KIF24: variants seen among roughly 807,000 people sequenced by gnomAD.
KIF24 encodes kinesin-like protein KIF24.
KIF24 carries 81 observed loss-of-function variants against 118.9 expected under a neutral mutation model. The observed-to-expected ratio is 0.68, with a 90% CI of 0.57 to 0.82. KIF24 has a LOEUF of 0.82. KIF24 is among the 40% of genes least tolerant of loss of function. The pLI, the probability that KIF24 is intolerant of heterozygous loss-of-function variation, is 0.00. For missense variants in KIF24, 1,560 were observed against 1,661.6 expected, an observed-to-expected ratio of 0.94 and a Z score of 1.06; for synonymous variants, 599 against 610.0, an observed-to-expected ratio of 0.98 and a Z score of 0.27.
In KIF24 at chr9:34,255,969, C is replaced by T. The variant is rs941097979; in HGVS notation, c.3638G>A (p.Ser1213Asn). The part of the protein sequence containing the change: ...GPTLTPRTGS[S>N]DVADQLWAQE... The stretch of plus-strand genomic sequence containing the variant: ...GGCCCAGAGCTGGTCAGCCACATCA[C>T]TACTTCCTGTTCGTGGGGTGAGTGT... The change falls in exon 11 of 13, where the codon AGT becomes AAT. Residue 1213 changes from serine (S) to asparagine (N), a missense_variant. Physicochemically the swap from Ser to Asn is conservative, Grantham distance 46 (BLOSUM62 1). This residue lies in a region of KIF24 where 591 missense variants were observed against 655.6 expected (regional missense o/e 0.90). Transcript: ENST00000402558. 1.2e-6 allele frequency: 2 copies of T among 1,613,994 alleles called. No homozygotes were observed. Among genetic ancestry groups the T allele is most frequent in the African/African-American group, 1.3e-5 (1 of 75,046 alleles).
At chr9:34,298,246 T>C (rs571291204) in intron 3 of KIF24, among the ~76,000 whole-genome samples, 3 of 151,904 alleles carry the variant, frequency 2.0e-5, no homozygotes, top group African/African-American at 7.2e-5. Context: ...TCACAGTAAG[T>C]AGAAAAGTGA....
intron 6 of KIF24, among the ~76,000 whole-genome samples, chr9:34,281,693 C>A (rs1587934630): frequency 6.6e-6 from 1 of 152,154 alleles, no homozygotes; most frequent in South Asian, 2.1e-4. Flanking sequence ...TCGCTGGAGG[C>A]ATTTCTACAA....
In KIF24 at chr9:34,256,246, T is replaced by TATC. The variant is rs1834834019; in HGVS notation, c.3358_3360dup (p.Asp1120dup). On this transcript the variant is annotated inframe_insertion, in exon 11 of 13. Coordinates refer to ENST00000402558, the MANE Select transcript of KIF24 (RefSeq NM_194313.4). Reference sequence around the variant, plus strand: ...GCTGGAAGATCACCACCAGGCTTATTATCAGGGGGAGATGAGGACAGCCAC... The same window carrying TATC: ...GCTGGAAGATCACCACCAGGCTTATTATCATCAGGGGGAGATGAGGACAGCCAC... 6.2e-7 allele frequency: 1 copy of TATC among 1,605,060 alleles called. No homozygotes were observed. The highest frequency in any genetic ancestry group is 1.7e-5 in the Admixed American group (1 of 59,360).
intron 9 of KIF24, among the ~76,000 whole-genome samples, chr9:34,262,421 T>C (rs1835090343): frequency 1.3e-5 from 2 of 151,848 alleles, no homozygotes. Context: ...TTCAGATTTT[T>C]TTTCAGATTT....
intron 4 of KIF24, among the ~76,000 whole-genome samples, chr9:34,296,704 G>A (rs1320233638): frequency 1.3e-5 from 2 of 149,462 alleles, no homozygotes; most frequent in South Asian, 2.2e-4. Context: ...ACTTTGATGG[G>A]ATAATATTGT....
intron 1 of KIF24, among the ~76,000 whole-genome samples, chr9:34,324,051 T>C (rs1319267136): frequency 1.3e-5 from 2 of 152,228 alleles, no homozygotes; most frequent in Non-Finnish European, 2.9e-5. Flanking sequence ...AAGACTGTAA[T>C]AGACACAGTA....
At chr9:34,282,265 A>G (rs1281118103) in intron 6 of KIF24, among the ~76,000 whole-genome samples, 1 of 152,206 alleles carries the variant, frequency 6.6e-6, no homozygotes, top group African/African-American at 2.4e-5. Context: ...AACTAAGTGA[A>G]AGAAGCCAGA....
At chr9:34,324,090 C>A (rs1289358591) in intron 1 of KIF24, among the ~76,000 whole-genome samples, 2 of 152,192 alleles carry the variant, frequency 1.3e-5, no homozygotes, top group Non-Finnish European at 2.9e-5. Context: ...GAAATCTCAA[C>A]TAGTCTCTTT....
chr9:34,311,390 G>C lies in KIF24; in HGVS notation c.-25-19C>G, dbSNP rs1837139484. 2 of 1,385,244 alleles carry C rather than the reference G, an allele frequency of 1.4e-6. No homozygotes were observed. The highest frequency in any genetic ancestry group is 1.4e-5 in the African/African-American group (1 of 69,232). The allele number at this position is 1,385,244 out of a possible 1,614,324, so 85.8% of individuals were successfully genotyped here. On this transcript the variant is annotated intron_variant, in intron 1 of 12. Transcript: ENST00000402558. ...ATAAACTCTGAAGAGAGAAAGAAAA[G>C]CCATTCGCTTGAAATAGAGTACATG... is the stretch of plus-strand genomic sequence containing the variant.
chr9:34,284,752 C>A (rs1418368768), intron 6 of KIF24, among the ~76,000 whole-genome samples: 2 of 152,096 alleles, frequency 1.3e-5, no homozygotes, highest in African/African-American at 2.4e-5. Context: ...GAAAGTCACA[C>A]AGGGGGTTTG....
Position 34,269,422 on chromosome 9 carries a change from T to A in KIF24, c.1338-60A>T, listed in dbSNP as rs557493909. On this transcript the variant is annotated intron_variant, in intron 7 of 12. Transcript: ENST00000402558. ...AAGCTTTATTTTATTTTATTTTATT[T>A]TTATTATTATTTTTTGAGACGGAGT... 2.2e-4 allele frequency: 182 copies of A among 821,326 alleles called. 1 individual carries two copies. In the African/African-American group the frequency reaches 2.8e-3, roughly 12 times the overall value. 50.9% of individuals were successfully genotyped at this position (821,326 alleles called of 1,614,324 possible).
Position 34,318,730 on chromosome 9 carries a change from C to CGGCGTG in KIF24, c.-25-7365_-25-7360dup. 6.7e-7 allele frequency: 1 copy of CGGCGTG among 1,503,640 alleles called. No homozygotes were observed. Among genetic ancestry groups the CGGCGTG allele is most frequent in the African/African-American group, 1.4e-5 (1 of 73,336 alleles). 93.1% of individuals were successfully genotyped at this position (1,503,640 alleles called of 1,614,324 possible). On this transcript the variant is annotated intron_variant, in intron 1 of 12. Transcript: ENST00000402558. This position sits in a 1 kb window ranked among gnomAD's most constrained non-coding sequence, Gnocchi z 4.9. ...AGCTGAGCGACGAGGAGGTGCACGC[C>CGGCGTG]GGCGTGGGCGAGCCGCTGCGTTCAC...
rs530414362 is a variant in KIF24, at chr9:34,307,424, A to G, written c.624-983T>C. Among the ~76,000 whole-genome samples, 56 of 152,122 alleles carry G rather than the reference A, an allele frequency of 3.7e-4. 1 individual carries two copies. The highest frequency in any genetic ancestry group is 1.2e-3 in the African/African-American group (49 of 41,510). ...TTTAAAAAAAAAAAAACCAGCAAAT[A>G]ATTTTCTAATATAATGAATGCATAA... On this transcript the variant is annotated intron_variant, in intron 2 of 12. Transcript: ENST00000402558.
chr9:34,266,387 A>C (rs1489587172), intron 8 of KIF24, among the ~76,000 whole-genome samples: 1 of 152,138 alleles, frequency 6.6e-6, no homozygotes, highest in Non-Finnish European at 1.5e-5. Flanking sequence ...TCTCAAAAAA[A>C]CCAAGGCTCA....
At chr9:34,324,347 T>C (rs1432008195) in intron 1 of KIF24, among the ~76,000 whole-genome samples, 1 of 152,246 alleles carries the variant, frequency 6.6e-6, no homozygotes, top group Non-Finnish European at 1.5e-5. Context: ...ATACCATTCA[T>C]GCAGTCACTC....
intron 1 of KIF24, among the ~76,000 whole-genome samples, chr9:34,313,215 T>G (rs559292204): frequency 1.3e-5 from 2 of 152,162 alleles, no homozygotes; most frequent in South Asian, 4.1e-4. Context: ...GCCAGACATG[T>G]GAAAGAAGTC....
intron 10 of KIF24, among the ~76,000 whole-genome samples, chr9:34,259,064 C>T (rs889067319): frequency 2.0e-5 from 3 of 152,146 alleles, no homozygotes; most frequent in Non-Finnish European, 4.4e-5. Flanking sequence ...AGAGGCCTGG[C>T]CAGGCAGTCA....
At chr9:34,330,574 A>G (rs1420592141), upstream of KIF24, among the ~76,000 whole-genome samples, 1 of 152,248 alleles carries the variant, frequency 6.6e-6, no homozygotes, top group Non-Finnish European at 1.5e-5. Context: ...CTTCTGAAAA[A>G]TGGCAGTAAT....
At chr9:34,279,660 G>A (rs1193915034) in intron 6 of KIF24, among the ~76,000 whole-genome samples, 1 of 152,242 alleles carries the variant, frequency 6.6e-6, no homozygotes, top group Non-Finnish European at 1.5e-5. Context: ...CCATGCCTGA[G>A]TAATCCTGAG....
Sources: allele counts gnomAD v4.1 joint callset (sites outside exome capture counted in the v4.1 genomes callset), GRCh38; gene constraint gnomAD v4.1.1; regional missense constraint gnomAD v4.1.1; non-coding constraint Gnocchi (gnomAD v3.1); transcripts MANE v1.5; gene names NCBI Gene and HGNC (gene_info 2026-07-23, HGNC 2026-07-21).